The following AKAP10 variants were observed in gnomAD, a reference collection of about 807,000 sequenced individuals.
AKAP10 encodes A-kinase anchor protein 10, mitochondrial.
AKAP10 carries 24 observed loss-of-function variants against 80.8 expected under a neutral mutation model. The ratio of observed to expected loss-of-function variants is 0.30; its 90% CI spans 0.22 to 0.42. The LOEUF (loss-of-function observed/expected upper bound fraction) is 0.42, where lower values mean the gene tolerates loss of function less well. Ranked by LOEUF, AKAP10 falls within the 10% of genes least tolerant of loss-of-function variation. The pLI is 1.00. For synonymous variants in AKAP10, 291 were observed against 277.7 expected (o/e 1.05, Z -0.48); for missense variants, 661 against 794.9 (o/e 0.83, Z 2.03).
At chr17:19,925,133 T>TA (rs2042863047) in intron 10 of AKAP10, among the ~76,000 whole-genome samples, 1 of 152,204 alleles carries the variant, frequency 6.6e-6, no homozygotes, top group Non-Finnish European at 1.5e-5. Flanking sequence ...CACTGCACGC[T>TA]GGCCTGGGCG....
chr17:19,976,707 G>A (rs1220889613), intron 1 of AKAP10, among the ~76,000 whole-genome samples: 2 of 151,982 alleles, frequency 1.3e-5, no homozygotes, highest in African/African-American at 4.8e-5. Context: ...TAGTAGACAC[G>A]GGGTTTCTCC....
intron 5 of AKAP10, among the ~76,000 whole-genome samples, chr17:19,946,242 TATATA>T (rs2043116035): frequency 2.2e-4 from 3 of 13,722 alleles, no homozygotes; most frequent in South Asian, 2.2e-3. Context: ...ATATATTATA[TATATA>T]TATATATATA....
chr17:19,932,839 G>T (rs2042951270), intron 9 of AKAP10, among the ~76,000 whole-genome samples: 1 of 151,014 alleles, frequency 6.6e-6, no homozygotes, highest in Admixed American at 6.6e-5. Context: ...ATTGTACATA[G>T]ATGTTTTTAT....
intron 14 of AKAP10, among the ~76,000 whole-genome samples, chr17:19,908,757 A>T (rs2042658955): frequency 6.6e-6 from 1 of 152,010 alleles, no homozygotes; most frequent in African/African-American, 2.4e-5. Context: ...CTCCTGCCTC[A>T]GCCTCCCAAA....
intron 12 of AKAP10, among the ~76,000 whole-genome samples, chr17:19,912,056 G>T (rs2042696960): frequency 6.6e-6 from 1 of 152,082 alleles, no homozygotes; most frequent in Admixed American, 6.6e-5. Flanking sequence ...TCTCTTAGAT[G>T]ATTTTAATGT....
chr17:19,946,251 AT>A lies in AKAP10; in HGVS notation c.976+1155del, dbSNP rs1484957388. On this transcript the variant is annotated intron_variant, in intron 5 of 14. Coordinates refer to ENST00000225737, the MANE Select transcript of AKAP10 (RefSeq NM_007202.4). The stretch of plus-strand genomic sequence containing the variant: ...ATATATATATATTATATATATATAT[AT>A]ATATATATATATATATATATATATT... Among the ~76,000 whole-genome samples the A allele has an allele frequency of 5.9e-3, 114 of 19,352 alleles. 7 individuals carry two copies. Among genetic ancestry groups the A allele is most frequent in the African/African-American group, 0.021 (95 of 4,556 alleles). The allele number at this position is 19,352 out of a possible 152,430, so 12.7% of individuals were successfully genotyped here.
intron 2 of AKAP10, among the ~76,000 whole-genome samples, chr17:19,964,608 G>A (rs750089811): frequency 6.6e-6 from 1 of 152,132 alleles, no homozygotes; most frequent in Non-Finnish European, 1.5e-5. Flanking sequence ...AACTTAACAA[G>A]GGACCGGGTG....
rs563777204 is a variant in AKAP10 at position 19,923,110 on chromosome 17, C to T, written c.1751+1298G>A. Among the ~76,000 whole-genome samples the T allele has an allele frequency of 2.0e-5, 3 of 152,230 alleles. No individual in the cohort carries two copies. The South Asian group carries it at 6.2e-4, about 32-fold the overall frequency. ...TATTATTTTTTGAGACAGAGTCTTA[C>T]TCTGTCGCGCAGGCTGCAGTGCAAT... On this transcript the variant is annotated intron_variant, in intron 11 of 14. Transcript: ENST00000225737.
In AKAP10 at chr17:19,958,145, C is replaced by T. The variant is rs2108978; in HGVS notation, c.746G>A (p.Arg249His). Reference protein sequence around the residue: ...SQECDSAHSLRLEMARAGTHQ... With the variant: ...SQECDSAHSLHLEMARAGTHQ... ...AGTTCCTGCTCTGGCCATTTCAAGACGGAGAGAATGGGCACTGTCACATTC... is the reference window on the plus strand; with the variant it reads ...AGTTCCTGCTCTGGCCATTTCAAGATGGAGAGAATGGGCACTGTCACATTC... Residue 249 changes from arginine to histidine, a missense_variant, in exon 4 of 15, where the codon CGT (arginine) becomes CAT (histidine). Physicochemically the swap from Arg to His is conservative, Grantham distance 29. Transcript: ENST00000225737. 0.39 allele frequency: 626,727 copies of T among 1,613,756 alleles called. 124,899 individuals carry two copies. Among genetic ancestry groups the T allele is most frequent in the African/African-American group, 0.57 (42,876 of 74,890 alleles).
intron 12 of AKAP10, 41 bp from the exon 13 acceptor site, chr17:19,910,019 A>G (rs769377338): frequency 6.3e-7 from 1 of 1,591,478 alleles, no homozygotes; most frequent in South Asian, 1.1e-5. Flanking sequence ...TTTCATGCAT[A>G]ATTTTACATT....
In AKAP10 at chr17:19,924,361, C is replaced by G. The variant is rs532995371; in HGVS notation, c.1751+47G>C. The G allele has an allele frequency of 2.0e-4, 270 of 1,321,364 alleles. 1 individual carries two copies. In the South Asian group the frequency reaches 4.0e-3, roughly 19 times the overall value. The allele number at this position is 1,321,364 out of a possible 1,614,324, so 81.9% of individuals were successfully genotyped here. A position where few individuals can be genotyped will look rare whatever the true frequency, so the allele number is the denominator to read the frequency against. Reference sequence around the variant, plus strand: ...ATTTAATTAAAAAATTTAAAAGATGCAAAGTTATTTACACTTGTAAAAATT... The same window carrying G: ...ATTTAATTAAAAAATTTAAAAGATGGAAAGTTATTTACACTTGTAAAAATT... On this transcript the variant is annotated intron_variant, in intron 11 of 14. Transcript: ENST00000225737.
intron 12 of AKAP10, among the ~76,000 whole-genome samples, chr17:19,912,195 A>C (rs1417904401): frequency 6.6e-6 from 1 of 152,174 alleles, no homozygotes; most frequent in Non-Finnish European, 1.5e-5. Context: ...CGGGCAAATC[A>C]CTTGAGGTCA....
Position 19,940,931 on chromosome 17 carries a change from C to A in AKAP10, c.1141G>T (p.Ala381Ser), listed in dbSNP as rs1318028738. The change falls in exon 7 of 15, where the codon GCT becomes TCT. Residue 381 changes from alanine (A) to serine (S), a missense_variant. Physicochemically the swap from Ala to Ser is moderately conservative, Grantham distance 99. Transcript: ENST00000225737. Reference protein sequence around the residue: ...EVLTSGTVYLADILFCESALF... With the variant: ...EVLTSGTVYLSDILFCESALF... ...GCTGACTCACAGAAGAGAATGTCAG[C>A]CAGGTAAACAGTTCCACTGGTCAGC... 6.2e-7 allele frequency: 1 copy of A among 1,609,530 alleles called. No homozygotes were observed. Among genetic ancestry groups the A allele is most frequent in the African/African-American group, 1.3e-5 (1 of 74,612 alleles).
At position 19,954,841 on chromosome 17, in the gene AKAP10, T is replaced by A. The variant is rs1597518948; in HGVS notation, c.877+3173A>T. Reference sequence around the variant, plus strand: ...ACATATGAGAAAATCTTCATGACCTTTGCTTAGGCAAAGGGCTCTTAGGTG... The same window carrying A: ...ACATATGAGAAAATCTTCATGACCTATGCTTAGGCAAAGGGCTCTTAGGTG... On this transcript the variant is annotated intron_variant, in intron 4 of 14. Coordinates refer to ENST00000225737, the MANE Select transcript of AKAP10 (RefSeq NM_007202.4). 2.0e-5 allele frequency among the ~76,000 whole-genome samples: 3 copies of A among 151,908 alleles called. No individual in the cohort carries two copies. In the East Asian group the frequency reaches 5.8e-4, roughly 29 times the overall value.
chr17:19,920,855 C>CA (rs61148312), intron 11 of AKAP10, among the ~76,000 whole-genome samples: 708 of 35,304 alleles, frequency 0.02, 77 homozygotes, highest in Middle Eastern at 0.067. Context: ...GACTCTATCT[C>CA]AAAAAAAAAA....
intron 12 of AKAP10, among the ~76,000 whole-genome samples, chr17:19,917,535 T>A (rs560127015): frequency 2.0e-5 from 3 of 152,296 alleles, no homozygotes; most frequent in Non-Finnish European, 4.4e-5. Context: ...AATGGCGTGA[T>A]CACAATTCAC....
chr17:19,911,057 G>T (rs2042684641), intron 12 of AKAP10, among the ~76,000 whole-genome samples: 1 of 152,062 alleles, frequency 6.6e-6, no homozygotes, highest in Admixed American at 6.6e-5. Flanking sequence ...TTCAATAACT[G>T]AATTCATAAA....
intron 10 of AKAP10, among the ~76,000 whole-genome samples, chr17:19,927,063 C>A (rs562771363): frequency 6.6e-6 from 1 of 151,610 alleles, no homozygotes; most frequent in African/African-American, 2.4e-5. Flanking sequence ...AGACAGGTTG[C>A]GTGTGGCTCA....
At chr17:19,946,536 A>C (rs1258319623) in intron 5 of AKAP10, among the ~76,000 whole-genome samples, 2 of 150,778 alleles carry the variant, frequency 1.3e-5, no homozygotes, top group Non-Finnish European at 2.9e-5. Context: ...ATCCATAAAA[A>C]GTGCTTGGAA....
Sources: gnomAD v4.1 joint callset for allele counts (sites outside exome capture counted in the v4.1 genomes callset) on GRCh38, gnomAD v4.1.1 for gene constraint, MANE v1.5 for transcripts, NCBI Gene and HGNC (gene_info 2026-07-23, HGNC 2026-07-21) for gene names.